The following ARHGAP26 variants were observed in gnomAD, a reference collection of about 807,000 sequenced individuals.
ARHGAP26 encodes rho GTPase-activating protein 26.
In ARHGAP26, 38 loss-of-function variants were observed where a neutral mutation model predicts 104.8. The ratio of observed to expected loss-of-function variants is 0.36; its 90% CI spans 0.28 to 0.48. The LOEUF (loss-of-function observed/expected upper bound fraction) is 0.48. ARHGAP26 is among the 20% of genes least tolerant of loss of function. The pLI, the probability that ARHGAP26 is intolerant of heterozygous loss-of-function variation, is 0.99. For synonymous variants in ARHGAP26, 341 were observed against 340.0 expected (o/e 1.00, Z -0.03); for missense variants, 704 against 947.9 (o/e 0.74, Z 3.38).
chr5:142,825,588 A>G (rs1055315319), intron 1 of ARHGAP26, among the ~76,000 whole-genome samples: 1 of 152,216 alleles, frequency 6.6e-6, no homozygotes, highest in Admixed American at 6.5e-5. Context: ...CCTGCCCACA[A>G]GCCACCTGAA....
chr5:143,063,792 A>G (rs998505847), intron 17 of ARHGAP26, among the ~76,000 whole-genome samples: 1 of 152,242 alleles, frequency 6.6e-6, no homozygotes, highest in Non-Finnish European at 1.5e-5. Context: ...ACTGCCAACA[A>G]GAATCCTTCC....
chr5:142,967,354 G>A (rs1406426945), intron 11 of ARHGAP26, among the ~76,000 whole-genome samples: 1 of 152,138 alleles, frequency 6.6e-6, no homozygotes, highest in Non-Finnish European at 1.5e-5. Context: ...AACTTCTGAT[G>A]GTGTGGTGAC....
At chr5:142,836,084 G>A (rs1435075694) in intron 1 of ARHGAP26, among the ~76,000 whole-genome samples, 1 of 152,194 alleles carries the variant, frequency 6.6e-6, no homozygotes, top group Non-Finnish European at 1.5e-5. Context: ...CACGTACATT[G>A]ACTTGGTGTC....
intron 15 of ARHGAP26, among the ~76,000 whole-genome samples, chr5:143,054,980 C>G (rs760950837): frequency 1.3e-5 from 2 of 152,156 alleles, no homozygotes; most frequent in Non-Finnish European, 2.9e-5. Flanking sequence ...CTTTTTGACT[C>G]CTTCCCTTAC....
chr5:142,971,268 G>A (rs1028055699), intron 11 of ARHGAP26, among the ~76,000 whole-genome samples: 4 of 152,128 alleles, frequency 2.6e-5, no homozygotes, highest in African/African-American at 2.4e-5. Flanking sequence ...ATTTGTTGGT[G>A]GGGCAGAATA....
chr5:142,997,258 CAG>C (rs1776544985), intron 11 of ARHGAP26, among the ~76,000 whole-genome samples: 1 of 152,096 alleles, frequency 6.6e-6, no homozygotes, highest in Non-Finnish European at 1.5e-5. Flanking sequence ...TCAATACTTG[CAG>C]AGTTTTCACA....
intron 12 of ARHGAP26, among the ~76,000 whole-genome samples, chr5:143,025,507 A>G (rs898382898): frequency 2.6e-5 from 4 of 152,216 alleles, no homozygotes; most frequent in African/African-American, 9.7e-5. Context: ...AAATCAGTGC[A>G]AAACCACCGG....
intron 1 of ARHGAP26, among the ~76,000 whole-genome samples, chr5:142,850,938 C>T (rs559614402): frequency 9.0e-4 from 137 of 152,208 alleles, no homozygotes; most frequent in Admixed American, 7.9e-3. Context: ...TGGATAAGCT[C>T]GATATGCAGT....
chr5:142,854,938 C>A (rs1006275258), intron 1 of ARHGAP26, among the ~76,000 whole-genome samples: 1 of 152,294 alleles, frequency 6.6e-6, no homozygotes, highest in South Asian at 2.1e-4. Flanking sequence ...CAAAGGACCC[C>A]CCAGTCCCTT....
chr5:143,157,908 C>G (rs768171564), intron 20 of ARHGAP26, among the ~76,000 whole-genome samples: 41 of 152,206 alleles, frequency 2.7e-4, no homozygotes, highest in Non-Finnish European at 4.9e-4. Context: ...CATTTCCTAA[C>G]TGTGTAAACT....
At chr5:142,891,004 T>A (rs1451186898) in intron 5 of ARHGAP26, among the ~76,000 whole-genome samples, 1 of 149,978 alleles carries the variant, frequency 6.7e-6, no homozygotes, top group Admixed American at 6.6e-5. Context: ...TTCTCCTGTT[T>A]TCCCCCTCCA....
At chr5:143,082,009 C>CAAAAAAAAAAAA (rs71576162) in intron 17 of ARHGAP26, among the ~76,000 whole-genome samples, 1 of 38,276 alleles carries the variant, frequency 2.6e-5, no homozygotes, top group Non-Finnish European at 5.9e-5. Flanking sequence ...GACTCCATCT[C>CAAAAAAAAAAAA]AAAAAAAAAA....
intron 11 of ARHGAP26, among the ~76,000 whole-genome samples, chr5:143,012,549 A>ATATATATATATATATATATATATATG (rs1778934981): frequency 2.0e-5 from 1 of 49,092 alleles, no homozygotes; most frequent in Non-Finnish European, 5.0e-5. Context: ...ATATACATAC[A>ATATATATATATATATATATATATATG]TACATATATA....
chr5:142,924,028 A>AT (rs1008718928), intron 10 of ARHGAP26, among the ~76,000 whole-genome samples: 3 of 151,658 alleles, frequency 2.0e-5, no homozygotes, highest in African/African-American at 4.8e-5. Flanking sequence ...CACCTGGCTA[A>AT]TTTTTTTGTA....
chr5:143,025,128 A>G (rs905487470), intron 12 of ARHGAP26, among the ~76,000 whole-genome samples: 1 of 152,174 alleles, frequency 6.6e-6, no homozygotes, highest in Non-Finnish European at 1.5e-5. Context: ...GAGCCCGTTT[A>G]TATAAAAACG....
At chr5:142,904,050 C>G (rs547197475) in intron 8 of ARHGAP26, among the ~76,000 whole-genome samples, 1 of 152,052 alleles carries the variant, frequency 6.6e-6, no homozygotes, top group Non-Finnish European at 1.5e-5. Flanking sequence ...CTTTGGTAGA[C>G]TTAATACTTG....
intron 18 of ARHGAP26, among the ~76,000 whole-genome samples, chr5:143,133,162 C>A (rs1292346669): frequency 6.6e-6 from 1 of 152,022 alleles, no homozygotes; most frequent in Non-Finnish European, 1.5e-5. Flanking sequence ...GTCATGATTT[C>A]TATCATTTTC....
At chr5:143,180,919 C>T (rs778568705) in intron 20 of ARHGAP26, among the ~76,000 whole-genome samples, 2 of 152,232 alleles carry the variant, frequency 1.3e-5, no homozygotes, top group African/African-American at 4.8e-5. Flanking sequence ...ATGAATGGTT[C>T]CCCTTCCTCC....
intron 20 of ARHGAP26, among the ~76,000 whole-genome samples, chr5:143,190,300 A>T (rs1189937930): frequency 6.6e-6 from 1 of 152,168 alleles, no homozygotes; most frequent in Middle Eastern, 3.2e-3. Context: ...CTTCCAACAC[A>T]TGCTTCTTAA....
Sources: gnomAD v4.1 joint callset for allele counts (sites outside exome capture counted in the v4.1 genomes callset) on GRCh38, gnomAD v4.1.1 for gene constraint, MANE v1.5 for transcripts, NCBI Gene and HGNC (gene_info 2026-07-23, HGNC 2026-07-21) for gene names.